Variants in ARIH1 observed in about 807,000 individuals in gnomAD.
The protein encoded by ARIH1 is ariadne RBR E3 ubiquitin protein ligase 1, also known as E3 ubiquitin-protein ligase ARIH1.
In ARIH1, 8 loss-of-function variants were observed where a neutral mutation model predicts 85.0. The ratio of observed to expected loss-of-function variants is 0.09; its 90% CI spans 0.06 to 0.17. The LOEUF is 0.17. Ranked by LOEUF, ARIH1 falls within the 10% of genes least tolerant of loss-of-function variation. The probability of loss-of-function intolerance (pLI) is 1.00; values close to 1 mark genes in which losing one functional copy is unlikely to be tolerated. For synonymous variants in ARIH1, 238 were observed against 253.6 expected (o/e 0.94, Z 0.59); for missense variants, 311 against 718.1 (o/e 0.43, Z 6.48).
At chr15:72,506,758 C>T (rs2063927415) in intron 1 of ARIH1, among the ~76,000 whole-genome samples, 1 of 151,992 alleles carries the variant, frequency 6.6e-6, no homozygotes, top group African/African-American at 2.4e-5. Flanking sequence ...GTTTAATTCT[C>T]GTTCAGATCA....
chr15:72,549,130 C>T (rs1469694683), intron 3 of ARIH1, among the ~76,000 whole-genome samples: 1 of 151,112 alleles, frequency 6.6e-6, no homozygotes, highest in East Asian at 1.9e-4. Context: ...CTCTGTCGCC[C>T]AGGCTGGAGT....
chr15:72,506,351 C>CAAAAAAAAAAGA (rs528918807), intron 1 of ARIH1, among the ~76,000 whole-genome samples: 8 of 73,096 alleles, frequency 1.1e-4, no homozygotes, highest in South Asian at 6.8e-4. Flanking sequence ...CTCCGTCTCA[C>CAAAAAAAAAAGA]AAAAAAAAAA....
chr15:72,535,197 C>T lies in ARIH1; in HGVS notation c.444-9623C>T, dbSNP rs562129891. ...CGAACTCCTGACCTCGTGATCCACC[C>T]GCCTCGGCCTCCCAAAGTGCTGGGA... On this transcript the variant is annotated intron_variant, in intron 2 of 13. Transcript: ENST00000379887. 2.0e-4 allele frequency among the ~76,000 whole-genome samples: 31 copies of T among 151,676 alleles called. No individual in the cohort carries two copies. In the South Asian group the frequency reaches 5.9e-3, roughly 29 times the overall value.
chr15:72,498,979 T>A (rs2140400665), intron 1 of ARIH1, among the ~76,000 whole-genome samples: 1 of 17,516 alleles, frequency 5.7e-5, no homozygotes, highest in South Asian at 0.014. Context: ...TTTTTTTTTT[T>A]TTTTTTTTTT....
chr15:72,509,550 C>A (rs1206322407), intron 1 of ARIH1, among the ~76,000 whole-genome samples: 6 of 152,006 alleles, frequency 3.9e-5, no homozygotes, highest in Admixed American at 6.6e-5. Flanking sequence ...TTTGGCAGCT[C>A]TGGATTTGTA....
rs772456417 is a variant in ARIH1 at position 72,474,714 on chromosome 15, G to C, written c.75G>C (p.Glu25Asp). The C allele has an allele frequency of 6.5e-7, 1 of 1,527,630 alleles. No homozygotes were observed. The highest frequency in any genetic ancestry group is 1.9e-5 in the Admixed American group (1 of 51,404). 94.6% of individuals were successfully genotyped at this position (1,527,630 alleles called of 1,614,324 possible). ...GCAGTGAGGAGGACAGCGGCGCCGA[G>C]GAGGAGGAGGACGAAGACGACGACG... ...EECSEEDSGA[E>D]EEEDEDDDEP... Residue 25 changes from glutamate to aspartate, a missense_variant, in exon 1 of 14, where the codon GAG (glutamate) becomes GAC (aspartate). Glu to Asp is a conservative substitution (Grantham distance 45). Around this residue, in one of 3 missense-constraint regions of ARIH1, gnomAD observed 157 missense variants for 185.1 expected, o/e 0.85. Transcript: ENST00000379887.
intron 5 of ARIH1, among the ~76,000 whole-genome samples, chr15:72,558,271 TTC>T (rs566438368): frequency 1.2e-4 from 18 of 152,220 alleles, no homozygotes; most frequent in Non-Finnish European, 2.4e-4. Flanking sequence ...TGAAAGCTTT[TTC>T]TGTGTCATTT....
chr15:72,548,236 A>T (rs2064137916), intron 3 of ARIH1, among the ~76,000 whole-genome samples: 1 of 152,164 alleles, frequency 6.6e-6, no homozygotes, highest in South Asian at 2.1e-4. Flanking sequence ...AGGACTTACC[A>T]CAGAAATCTG....
At chr15:72,572,212 G>GT in intron 11 of ARIH1, 47 bp downstream of exon 11, 1 of 1,194,086 alleles carries the variant, frequency 8.4e-7, no homozygotes, top group Non-Finnish European at 1.2e-6. Flanking sequence ...AATGCACGTT[G>GT]TATATTCATA....
chr15:72,533,195 C>G (rs2064065717), intron 2 of ARIH1, among the ~76,000 whole-genome samples: 1 of 152,106 alleles, frequency 6.6e-6, no homozygotes, highest in Admixed American at 6.5e-5. Context: ...GTGGTGAGAT[C>G]ATGGCTCACT....
chr15:72,538,678 A>C (rs1041102351), intron 2 of ARIH1, among the ~76,000 whole-genome samples: 7 of 152,212 alleles, frequency 4.6e-5, no homozygotes, highest in Non-Finnish European at 1.0e-4. Flanking sequence ...AATTTAATTC[A>C]TATTATTTGG....
intron 2 of ARIH1, among the ~76,000 whole-genome samples, chr15:72,527,366 C>A (rs367788892): frequency 1.3e-5 from 2 of 152,328 alleles, no homozygotes; most frequent in East Asian, 3.9e-4. Context: ...TATCTCCTTA[C>A]TCCTTTGATA....
chr15:72,475,782 T>C (rs1327782773), intron 1 of ARIH1, among the ~76,000 whole-genome samples: 1 of 152,232 alleles, frequency 6.6e-6, no homozygotes, highest in Non-Finnish European at 1.5e-5. Flanking sequence ...AAGACTCTAT[T>C]GTGAGTTAGA....
chr15:72,571,578 G>T (rs1218345296), intron 10 of ARIH1, among the ~76,000 whole-genome samples: 2 of 152,062 alleles, frequency 1.3e-5, no homozygotes, highest in African/African-American at 2.4e-5. Context: ...CTGAAAAACT[G>T]TAATAGCAAA....
At chr15:72,492,202 A>T (rs2063862220) in intron 1 of ARIH1, among the ~76,000 whole-genome samples, 1 of 152,338 alleles carries the variant, frequency 6.6e-6, no homozygotes, top group Admixed American at 6.5e-5. Flanking sequence ...ATAATTCTCG[A>T]CCAAAGTAAT....
chr15:72,493,408 A>G (rs1567338707), intron 1 of ARIH1, among the ~76,000 whole-genome samples: 1 of 152,170 alleles, frequency 6.6e-6, no homozygotes, highest in South Asian at 2.1e-4. Flanking sequence ...AAGTTTACAT[A>G]AGGTAGAACA....
In ARIH1 at chr15:72,502,071, G is replaced by T. The variant is rs555913898; in HGVS notation, c.376-15996G>T. ...TTTTAAGTCTTGAGTATTTTTTTTT[G>T]ATATAACATTGAAGGATACCTTACC... On this transcript the variant is annotated intron_variant, in intron 1 of 13. Coordinates refer to ENST00000379887, the MANE Select transcript of ARIH1 (RefSeq NM_005744.5). Among the ~76,000 whole-genome samples the T allele has an allele frequency of 5.3e-5, 8 of 151,620 alleles. No individual in the cohort carries two copies. In the East Asian group the frequency reaches 1.2e-3, roughly 22 times the overall value.
At chr15:72,542,253 G>A (rs1363612146) in intron 2 of ARIH1, among the ~76,000 whole-genome samples, 2 of 152,154 alleles carry the variant, frequency 1.3e-5, no homozygotes, top group African/African-American at 4.8e-5. Flanking sequence ...CAGTGGAGTA[G>A]CACGATAAAT....
intron 1 of ARIH1, among the ~76,000 whole-genome samples, chr15:72,507,620 G>C (rs1369111620): frequency 6.6e-6 from 1 of 152,172 alleles, no homozygotes; most frequent in East Asian, 1.9e-4. Flanking sequence ...GATTGCATGA[G>C]CCCAGGAATT....
Sources: allele counts gnomAD v4.1 joint callset (sites outside exome capture counted in the v4.1 genomes callset), GRCh38; gene constraint gnomAD v4.1.1; regional missense constraint gnomAD v4.1.1; transcripts MANE v1.5; gene names NCBI Gene and HGNC (gene_info 2026-07-23, HGNC 2026-07-21).